Variants in NPR3 observed in about 807,000 individuals in gnomAD.
NPR3 encodes the protein natriuretic peptide receptor 3, also known as atrial natriuretic peptide receptor 3.
Under a neutral mutation model 54.5 loss-of-function variants are expected in NPR3, and 34 were observed. The observed-to-expected ratio is 0.62, with a 90% CI of 0.47 to 0.83. NPR3 has a LOEUF of 0.83. Ranked by LOEUF, NPR3 falls within the 40% of genes least tolerant of loss-of-function variation. NPR3 has a pLI of 0.00. For missense variants in NPR3, 674 were observed against 720.8 expected (o/e 0.94, Z 0.74); for synonymous variants, 289 against 297.1 (o/e 0.97, Z 0.28).
At chr5:32,774,261 G>C (rs541395552) in intron 3 of NPR3, among the ~76,000 whole-genome samples, 4 of 152,226 alleles carry the variant, frequency 2.6e-5, no homozygotes, top group African/African-American at 7.2e-5. Context: ...CTAAATATAA[G>C]TGAATGGATC....
At chr5:32,721,821 G>A (rs1738879828) in intron 1 of NPR3, among the ~76,000 whole-genome samples, 2 of 152,166 alleles carry the variant, frequency 1.3e-5, no homozygotes, top group South Asian at 2.1e-4. Context: ...GGTTCTAGAG[G>A]CTAGGAAGTC....
rs1025367242 is a variant in NPR3, at chr5:32,788,041, A to T, written c.*1696A>T. The T allele has an allele frequency of 6.6e-6, 1 of 152,262 alleles. No homozygotes were observed. 9.4% of individuals were successfully genotyped at this position (152,262 alleles called of 1,614,324 possible). A position where few individuals can be genotyped will look rare whatever the true frequency, so the allele number is the denominator to read the frequency against. ...GGTAAGCGCAAGCTGCCTGTCCCAG[A>T]TGCTGGCCCATGTGTGAGTGCTTCC... On this transcript the variant is annotated 3_prime_UTR_variant, in exon 8 of 8. Coordinates refer to ENST00000265074, the MANE Select transcript of NPR3 (RefSeq NM_001204375.2).
Position 32,711,782 on chromosome 5 carries a change from G to A in NPR3, c.6G>A (p.Pro2=). M[P]SLLVLTFSPC... Reference sequence around the variant, plus strand: ...AAGCTCTTTCTTGCGGCACGATGCCGTCTCTGCTGGTGCTCACTTTCTCCC... The same window carrying A: ...AAGCTCTTTCTTGCGGCACGATGCCATCTCTGCTGGTGCTCACTTTCTCCC... The change falls in exon 1 of 8, where the codon CCG becomes CCA. Residue 2 remains proline (P), a synonymous_variant. Transcript: ENST00000265074. 1 of 1,423,914 alleles carries A rather than the reference G, an allele frequency of 7.0e-7. No homozygotes were observed. Among genetic ancestry groups the A allele is most frequent in the Non-Finnish European group, 9.2e-7 (1 of 1,088,024 alleles). 88.2% of individuals were successfully genotyped at this position (1,423,914 alleles called of 1,614,324 possible).
At chr5:32,739,460 G>T (rs949322505) in intron 3 of NPR3, among the ~76,000 whole-genome samples, 1 of 152,128 alleles carries the variant, frequency 6.6e-6, no homozygotes, top group Non-Finnish European at 1.5e-5. Flanking sequence ...GGGGTTTTAG[G>T]ATACATTTTC....
intron 1 of NPR3, among the ~76,000 whole-genome samples, chr5:32,695,429 C>T (rs551327809): frequency 1.5e-4 from 23 of 152,190 alleles, no homozygotes; most frequent in South Asian, 1.2e-3. Flanking sequence ...CACGCCCGCC[C>T]GGCTAATTTT....
intron 3 of NPR3, among the ~76,000 whole-genome samples, chr5:32,746,166 C>G (rs768550546): frequency 1.3e-5 from 2 of 152,224 alleles, no homozygotes; most frequent in Non-Finnish European, 2.9e-5. Flanking sequence ...CGAAATTAAA[C>G]AGTGAGTTCA....
intron 5 of NPR3, among the ~76,000 whole-genome samples, chr5:32,782,259 A>G (rs942829904): frequency 2.6e-5 from 4 of 152,134 alleles, no homozygotes; most frequent in Admixed American, 2.6e-4. Context: ...TTCCTGAAAG[A>G]CGCTCTTTAA....
At chr5:32,710,894 A>ATGTGTGTGTGTGTG (rs34939454), upstream of NPR3, 2 of 509,826 alleles carry the variant, frequency 3.9e-6, no homozygotes, top group African/African-American at 2.4e-5. Flanking sequence ...GTGTGTGTAT[A>ATGTGTGTGTGTGTG]TGTGTGTGTG....
intron 3 of NPR3, among the ~76,000 whole-genome samples, chr5:32,762,951 T>A (rs1234102980): frequency 6.6e-6 from 1 of 152,230 alleles, no homozygotes; most frequent in African/African-American, 2.4e-5. Context: ...CTTCTAGGGT[T>A]TTTATAGTTT....
At chr5:32,712,674 C>G (rs1269829292) in intron 1 of NPR3, 129 bp downstream of exon 1, 2 of 854,868 alleles carry the variant, frequency 2.3e-6, no homozygotes, top group Non-Finnish European at 3.6e-6. Context: ...CGCGGGCACT[C>G]GTTCAGGTAT....
chr5:32,764,661 G>A (rs1741349409), intron 3 of NPR3, among the ~76,000 whole-genome samples: 1 of 151,568 alleles, frequency 6.6e-6, no homozygotes. Context: ...GGTGGCGGGT[G>A]CCTGTAGTCC....
At chr5:32,699,137 G>T (rs970485810) in intron 1 of NPR3, among the ~76,000 whole-genome samples, 1 of 151,948 alleles carries the variant, frequency 6.6e-6, no homozygotes, top group Non-Finnish European at 1.5e-5. Flanking sequence ...TTATGTATGT[G>T]TTGTATGTTT....
intron 2 of NPR3, among the ~76,000 whole-genome samples, chr5:32,735,026 C>G (rs1739655052): frequency 6.6e-6 from 1 of 152,164 alleles, no homozygotes; most frequent in Non-Finnish European, 1.5e-5. Context: ...CCTTCTCCCT[C>G]TGCTTTCTGC....
At chr5:32,691,757 G>A (rs1740393835) in intron 1 of NPR3, among the ~76,000 whole-genome samples, 1 of 152,256 alleles carries the variant, frequency 6.6e-6, no homozygotes, top group Admixed American at 6.5e-5. Context: ...GGACACCGAT[G>A]AAGAGCTTCA....
chr5:32,740,173 A>G (rs1459340616), intron 3 of NPR3, among the ~76,000 whole-genome samples: 1 of 152,244 alleles, frequency 6.6e-6, no homozygotes, highest in African/African-American at 2.4e-5. Flanking sequence ...TACTTGAGGT[A>G]CCACAGAGTA....
rs767797919 is a variant in NPR3 at position 32,786,288 on chromosome 5, T to G, written c.1569T>G (p.Leu523=). 8.8e-6 allele frequency: 14 copies of G among 1,593,086 alleles called. No individual in the cohort carries two copies. Among genetic ancestry groups the G allele is most frequent in the Middle Eastern group, 1.7e-4 (1 of 6,036 alleles). ...GAACCCAGCAAGAAGAAAGTAACCT[T>G]GGAAAACATCGGGAATTACGGGAAG... The part of the protein sequence containing the change: ...ERRTQQEESN[L]GKHRELREDS... Residue 523 remains leucine (L), a synonymous_variant, in exon 8 of 8, where the codon CTT becomes CTG. Coordinates refer to ENST00000265074, the MANE Select transcript of NPR3 (RefSeq NM_001204375.2).
intron 3 of NPR3, among the ~76,000 whole-genome samples, chr5:32,770,906 C>T (rs187300534): frequency 2.0e-4 from 31 of 152,300 alleles, no homozygotes; most frequent in East Asian, 1.2e-3. Context: ...AACAGCATAA[C>T]GACAGCATGA....
chr5:32,789,656 G>A lies in NPR3; in HGVS notation c.*3311G>A, dbSNP rs1322610032. ...TTCTAAAATCATTAATTTACTCAAG[G>A]CACATGTGCCTTCTTTGCCCCAAAT... is the stretch of plus-strand genomic sequence containing the variant. On this transcript the variant is annotated 3_prime_UTR_variant, in exon 8 of 8. Transcript: ENST00000265074. 1.9e-6 allele frequency: 1 copy of A among 534,624 alleles called. No homozygotes were observed. The highest frequency in any genetic ancestry group is 3.8e-6 in the Non-Finnish European group (1 of 260,072). 33.1% of individuals were successfully genotyped at this position (534,624 alleles called of 1,614,324 possible).
At chr5:32,694,002 C>T (rs1740464474) in intron 1 of NPR3, among the ~76,000 whole-genome samples, 1 of 152,210 alleles carries the variant, frequency 6.6e-6, no homozygotes, top group South Asian at 2.1e-4. Flanking sequence ...CTCGTTGCCT[C>T]TGATGGCTTC....
Sources: gnomAD v4.1 joint callset for allele counts (sites outside exome capture counted in the v4.1 genomes callset) on GRCh38, gnomAD v4.1.1 for gene constraint, MANE v1.5 for transcripts, NCBI Gene and HGNC (gene_info 2026-07-23, HGNC 2026-07-21) for gene names.